The following MACF1 variants were observed in gnomAD, a reference collection of about 807,000 sequenced individuals.
The protein encoded by MACF1 is microtubule actin crosslinking factor 1.
Under a neutral mutation model 854.8 loss-of-function variants are expected in MACF1, and 193 were observed. That is an observed-to-expected ratio of 0.23 (90% CI 0.20 to 0.25). The LOEUF (loss-of-function observed/expected upper bound fraction) is 0.25, where lower values mean the gene tolerates loss of function less well. MACF1 is among the 10% of genes least tolerant of loss of function. MACF1 has a pLI of 1.00. For missense variants in MACF1, 7,722 were observed against 8,929.1 expected, an observed-to-expected ratio of 0.86 and a Z score of 5.45; for synonymous variants, 3,185 against 3,226.7, an observed-to-expected ratio of 0.99 and a Z score of 0.44.
intron 2 of MACF1, among the ~76,000 whole-genome samples, chr1:39,171,682 G>A (rs1315056504): frequency 1.3e-5 from 2 of 152,198 alleles, no homozygotes; most frequent in Admixed American, 1.3e-4. Flanking sequence ...CTGGAGTGCA[G>A]TGGTGCTATC....
At position 39,105,725 on chromosome 1, in the gene MACF1, CG is replaced by C. The variant is rs1461574857; in HGVS notation, c.220+21291del. ...TGCTGGAGCGGTACAAAGGTAGGGCCGGGGACTGGCCGGCGCTGAGGCCCGC... is the reference window on the plus strand; with the variant it reads ...TGCTGGAGCGGTACAAAGGTAGGGCCGGGACTGGCCGGCGCTGAGGCCCGC... On this transcript the variant is annotated intron_variant, in intron 2 of 93. Coordinates refer to the MACF1 transcript ENST00000361689. This position sits in a 1 kb window ranked among gnomAD's most constrained non-coding sequence, Gnocchi z 5.9. The C allele has an allele frequency of 8.6e-7, 1 of 1,159,962 alleles. No individual in the cohort carries two copies. The highest frequency in any genetic ancestry group is 1.7e-5 in the South Asian group (1 of 60,556). The allele number at this position is 1,159,962 out of a possible 1,614,324, so 71.9% of individuals were successfully genotyped here.
At chr1:39,119,317 CAA>C (rs745686071) in intron 2 of MACF1, among the ~76,000 whole-genome samples, 90 of 84,730 alleles carry the variant, frequency 1.1e-3, no homozygotes, top group South Asian at 2.9e-3. Context: ...AACTCCGTCT[CAA>C]AAAAAAAAAA....
At position 39,105,113 on chromosome 1, in the gene MACF1, C is replaced by T. The variant is rs972116115; in HGVS notation, c.220+20675C>T. ...CATCCTGACGCGCGGGGCCTCCCACCCAGCGGGACTCCCGCGTGGGCCGGC... is the reference window on the plus strand; with the variant it reads ...CATCCTGACGCGCGGGGCCTCCCACTCAGCGGGACTCCCGCGTGGGCCGGC... On this transcript the variant is annotated intron_variant, in intron 2 of 93. Coordinates refer to the MACF1 transcript ENST00000361689. The surrounding 1 kb of genome is among the most constrained non-coding windows in gnomAD (Gnocchi z 5.9). 6.6e-6 allele frequency among the ~76,000 whole-genome samples: 1 copy of T among 151,974 alleles called. No individual in the cohort carries two copies. Among genetic ancestry groups the T allele is most frequent in the Non-Finnish European group, 1.5e-5 (1 of 67,934 alleles).
intron 2 of MACF1, among the ~76,000 whole-genome samples, chr1:39,087,326 C>T (rs1401764370): frequency 1.3e-5 from 2 of 152,244 alleles, no homozygotes; most frequent in African/African-American, 4.8e-5. Context: ...CCCTGGCCCA[C>T]TCCGTGTCCT....
At position 39,332,315 on chromosome 1, in the gene MACF1, G is replaced by A. The variant is rs1181565841; in HGVS notation, c.5727G>A (p.Leu1909=). 2 of 1,613,816 alleles carry A rather than the reference G, an allele frequency of 1.2e-6. No homozygotes were observed. Among genetic ancestry groups the A allele is most frequent in the Admixed American group, 1.7e-5 (1 of 59,996 alleles). ...AGAAAGCAATAGAAAGTGGTATCCT[G>A]GATAGAGATCTTGCCAATAACTTAA... ...SWKKAIESGI[L]DRDLANNLKS... Residue 1909 remains leucine (L), a synonymous_variant, in exon 37 of 101, where the codon CTG becomes CTA. Coordinates refer to ENST00000564288, the MANE Select transcript of MACF1 (RefSeq NM_001394062.1).
chr1:39,162,498 GTTTTGT>G (rs911902038), intron 2 of MACF1, among the ~76,000 whole-genome samples: 10 of 152,000 alleles, frequency 6.6e-5, no homozygotes, highest in African/African-American at 2.4e-4. Context: ...CCTTCCGTAA[GTTTTGT>G]TTTTGTTTTT....
At chr1:39,373,395 G>GT (rs746914700) in intron 52 of MACF1, 5 of 149,040 alleles carry the variant, frequency 3.4e-5, no homozygotes, top group African/African-American at 2.5e-5. Flanking sequence ...CTTGAACCTG[G>GT]TAGGTGGAGG....
chr1:39,266,649 T>C (rs895261363), intron 6 of MACF1, among the ~76,000 whole-genome samples: 45 of 144,238 alleles, frequency 3.1e-4, no homozygotes, highest in African/African-American at 1.1e-3. Flanking sequence ...GTTAAGGCTA[T>C]GCTAGTGTAA....
At chr1:39,432,079 G>A (rs932449606) in intron 66 of MACF1, among the ~76,000 whole-genome samples, 3 of 152,150 alleles carry the variant, frequency 2.0e-5, no homozygotes, top group Admixed American at 1.3e-4. Flanking sequence ...TTAAAAATGT[G>A]TTGTTCTTTT....
intron 91 of MACF1, 98 bp downstream of exon 91, chr1:39,459,347 ATTTAC>A (rs1449528886): frequency 1.5e-6 from 2 of 1,312,108 alleles, no homozygotes; most frequent in East Asian, 5.0e-5. Context: ...TTGTGTCTTA[ATTTAC>A]TTTTTCACAA....
At chr1:39,251,167 C>T (rs146472970) in intron 3 of MACF1, among the ~76,000 whole-genome samples, 141 of 147,748 alleles carry the variant, frequency 9.5e-4, no homozygotes, top group African/African-American at 3.1e-3. Context: ...GTTTTGGTTT[C>T]GTATCTTTTT....
At chr1:39,254,513 T>C (rs954395934) in intron 5 of MACF1, 138 bp downstream of exon 5, 8 of 707,038 alleles carry the variant, frequency 1.1e-5, no homozygotes, top group Admixed American at 4.7e-5. Flanking sequence ...CTTAACTTGC[T>C]AGTGAGCAAT....
At chr1:39,338,891 C>T (rs2148480503) in intron 38 of MACF1, among the ~76,000 whole-genome samples, 1 of 152,286 alleles carries the variant, frequency 6.6e-6, no homozygotes, top group Non-Finnish European at 1.5e-5. Context: ...GGGCATTACA[C>T]TCCACTTCAG....
At chr1:39,410,136 G>T (rs1327977307) in intron 58 of MACF1, 4 of 631,684 alleles carry the variant, frequency 6.3e-6, no homozygotes, top group Non-Finnish European at 7.7e-6. Flanking sequence ...GGCCTTTCTG[G>T]AGGGCAGATG....
intron 2 of MACF1, among the ~76,000 whole-genome samples, chr1:39,125,609 A>G (rs1642839835): frequency 6.6e-6 from 1 of 152,184 alleles, no homozygotes; most frequent in Admixed American, 6.5e-5. Context: ...TGGTATTCTC[A>G]CCTTTGGGAA....
At chr1:39,236,954 C>T (rs1043638543) in intron 2 of MACF1, among the ~76,000 whole-genome samples, 13 of 152,212 alleles carry the variant, frequency 8.5e-5, no homozygotes, top group Middle Eastern at 3.2e-3. Flanking sequence ...CGCGTCCAGC[C>T]GTGATTTCCT....
chr1:39,144,639 G>A (rs1462152509), intron 2 of MACF1, among the ~76,000 whole-genome samples: 3 of 131,180 alleles, frequency 2.3e-5, no homozygotes, highest in South Asian at 2.7e-4. Flanking sequence ...GGAAATCAGC[G>A]TGGCATCAAT....
intron 49 of MACF1, among the ~76,000 whole-genome samples, chr1:39,364,916 T>G (rs1648556162): frequency 6.6e-6 from 1 of 152,254 alleles, no homozygotes; most frequent in Non-Finnish European, 1.5e-5. Flanking sequence ...TCATGCTTTA[T>G]TCTAAAACTT....
chr1:39,340,129 C>T (rs1006912426), intron 38 of MACF1, among the ~76,000 whole-genome samples: 2 of 152,162 alleles, frequency 1.3e-5, no homozygotes, highest in Non-Finnish European at 2.9e-5. Context: ...ACAGCTGCTC[C>T]TTGGGGAAAG....
Sources: gnomAD v4.1 joint callset for allele counts (sites outside exome capture counted in the v4.1 genomes callset) on GRCh38, gnomAD v4.1.1 for gene constraint, Gnocchi (gnomAD v3.1) non-coding constraint, MANE v1.5 for transcripts, NCBI Gene and HGNC (gene_info 2026-07-23, HGNC 2026-07-21) for gene names.